MRPL48: variants seen among roughly 807,000 people sequenced by gnomAD.
MRPL48 encodes mitochondrial ribosomal protein L48.
MRPL48 carries 16 observed loss-of-function variants against 32.9 expected under a neutral mutation model. The ratio of observed to expected loss-of-function variants is 0.49; its 90% CI spans 0.33 to 0.74. MRPL48 has a LOEUF of 0.74. Among genes scored for constraint, MRPL48 ranks in the 30% least tolerant of loss-of-function variants. The pLI is 0.02. For synonymous variants in MRPL48, 94 were observed against 89.2 expected, an observed-to-expected ratio of 1.05 and a Z score of -0.31; for missense variants, 206 against 245.3, an observed-to-expected ratio of 0.84 and a Z score of 1.07.
intron 4 of MRPL48, among the ~76,000 whole-genome samples, chr11:73,836,547 C>T (rs1948108312): frequency 6.6e-6 from 1 of 152,050 alleles, no homozygotes; most frequent in South Asian, 2.1e-4. Flanking sequence ...TACTATGTGC[C>T]AGGCTTTAAA....
intron 1 of MRPL48, among the ~76,000 whole-genome samples, chr11:73,796,971 G>A (rs1258991307): frequency 1.3e-5 from 2 of 152,172 alleles, no homozygotes; most frequent in Admixed American, 6.5e-5. Context: ...GGAGGTCGAG[G>A]CAGGAGAATC....
intron 2 of MRPL48, among the ~76,000 whole-genome samples, chr11:73,807,727 T>A (rs985951602): frequency 2.8e-5 from 4 of 140,978 alleles, no homozygotes; most frequent in Admixed American, 2.3e-4. Flanking sequence ...AACCTCCGCC[T>A]CCCAAGTTCA....
At chr11:73,798,490 G>A (rs941642546) in intron 1 of MRPL48, among the ~76,000 whole-genome samples, 1 of 152,152 alleles carries the variant, frequency 6.6e-6, no homozygotes, top group Non-Finnish European at 1.5e-5. Flanking sequence ...TGAAAAACAA[G>A]AACTGAACTT....
chr11:73,819,978 A>C (rs976424612), intron 3 of MRPL48, among the ~76,000 whole-genome samples: 9 of 152,216 alleles, frequency 5.9e-5, no homozygotes, highest in African/African-American at 2.2e-4. Flanking sequence ...TTAGATTTTT[A>C]TTTTAAAAGG....
chr11:73,839,265 C>T (rs1948151222), intron 4 of MRPL48, among the ~76,000 whole-genome samples: 1 of 152,192 alleles, frequency 6.6e-6, no homozygotes, highest in African/African-American at 2.4e-5. Context: ...GGAACCATTC[C>T]AGGTGCTCTG....
At chr11:73,806,910 C>A (rs558137589) in intron 2 of MRPL48, among the ~76,000 whole-genome samples, 16 of 151,964 alleles carry the variant, frequency 1.1e-4, no homozygotes, top group African/African-American at 3.6e-4. Flanking sequence ...ATCTCTTTCA[C>A]CCAGGCTGGA....
intron 3 of MRPL48, among the ~76,000 whole-genome samples, chr11:73,809,001 T>TGGG (rs1947516458): frequency 6.6e-6 from 1 of 151,830 alleles, no homozygotes; most frequent in Non-Finnish European, 1.5e-5. Context: ...AAAAATTAAC[T>TGGG]GGGTGTGGTG....
chr11:73,844,669 A>G (rs1406106750), intron 4 of MRPL48, 138 bp from the exon 5 acceptor site: 9 of 900,668 alleles, frequency 1.0e-5, no homozygotes, highest in Non-Finnish European at 1.5e-5. Context: ...GGAGAACTTC[A>G]GTTTGTAGGT....
At chr11:73,807,787 A>G (rs1007895709) in intron 2 of MRPL48, among the ~76,000 whole-genome samples, 1 of 151,822 alleles carries the variant, frequency 6.6e-6, no homozygotes, top group African/African-American at 2.4e-5. Context: ...ACAGGTGCCC[A>G]CCACCAAACC....
At chr11:73,858,653 C>T (rs973476953) in intron 5 of MRPL48, among the ~76,000 whole-genome samples, 1 of 152,194 alleles carries the variant, frequency 6.6e-6, no homozygotes, top group South Asian at 2.1e-4. Context: ...TTTTGTGACA[C>T]ATGAAAATTT....
chr11:73,826,074 G>A (rs1023575301), intron 4 of MRPL48, among the ~76,000 whole-genome samples: 1 of 152,038 alleles, frequency 6.6e-6, no homozygotes, highest in African/African-American at 2.4e-5. Flanking sequence ...CTGGAGTGCA[G>A]TGCATGATCA....
At chr11:73,814,938 G>C (rs971066637) in intron 3 of MRPL48, among the ~76,000 whole-genome samples, 3 of 152,018 alleles carry the variant, frequency 2.0e-5, no homozygotes, top group Non-Finnish European at 4.4e-5. Flanking sequence ...GTTGCAGTGA[G>C]CCGAGATGTC....
chr11:73,831,539 CCTA>C (rs1947993907), intron 4 of MRPL48, among the ~76,000 whole-genome samples: 1 of 152,018 alleles, frequency 6.6e-6, no homozygotes. Flanking sequence ...TATCTCCAGA[CCTA>C]GCATCCTGTC....
intron 1 of MRPL48, among the ~76,000 whole-genome samples, chr11:73,800,800 TTTTC>T (rs1007322311): frequency 2.0e-5 from 3 of 149,786 alleles, no homozygotes; most frequent in Admixed American, 6.7e-5. Context: ...GTCAACTCTT[TTTTC>T]TTTTTCTTTT....
intron 4 of MRPL48, among the ~76,000 whole-genome samples, chr11:73,831,079 A>T (rs1171074408): frequency 6.6e-6 from 1 of 152,004 alleles, no homozygotes; most frequent in Non-Finnish European, 1.5e-5. Context: ...ACCTCAGGTG[A>T]TCCACCTACC....
At chr11:73,805,290 GT>G (rs1947428455) in intron 2 of MRPL48, among the ~76,000 whole-genome samples, 1 of 128,608 alleles carries the variant, frequency 7.8e-6, no homozygotes, top group Non-Finnish European at 1.6e-5. Flanking sequence ...CTTTGATGCT[GT>G]TCTTTTTTTT....
chr11:73,836,979 T>C (rs7945614), intron 4 of MRPL48, among the ~76,000 whole-genome samples: 8,345 of 152,252 alleles, frequency 0.055, 257 homozygotes, highest in Middle Eastern at 0.11. Context: ...TGTCCATATG[T>C]CTCTCAAGTG....
chr11:73,831,191 C>T (rs1177779607), intron 4 of MRPL48, among the ~76,000 whole-genome samples: 1 of 152,058 alleles, frequency 6.6e-6, no homozygotes, highest in Non-Finnish European at 1.5e-5. Flanking sequence ...AATAGTTTCC[C>T]ATCCCTCCAT....
intron 3 of MRPL48, among the ~76,000 whole-genome samples, chr11:73,809,901 C>A (rs542647258): frequency 5.9e-5 from 9 of 152,246 alleles, no homozygotes; most frequent in East Asian, 5.8e-4. Flanking sequence ...TAGAAGATGG[C>A]GGCAATGTGT....
Sources: allele counts gnomAD v4.1 joint callset (sites outside exome capture counted in the v4.1 genomes callset), GRCh38; gene constraint gnomAD v4.1.1; transcripts MANE v1.5; gene names NCBI Gene and HGNC (gene_info 2026-07-23, HGNC 2026-07-21).